Variants in OSBPL9 observed in about 807,000 individuals in gnomAD.
OSBPL9 encodes oxysterol binding protein like 9.
OSBPL9 carries 40 observed loss-of-function variants against 106.6 expected under a neutral mutation model. The ratio of observed to expected loss-of-function variants is 0.38; its 90% CI spans 0.29 to 0.49. OSBPL9 has a LOEUF of 0.49. Ranked by LOEUF, OSBPL9 falls within the 20% of genes least tolerant of loss-of-function variation. The pLI is 0.97. For synonymous variants in OSBPL9, 269 were observed against 295.4 expected, an observed-to-expected ratio of 0.91 and a Z score of 0.92; for missense variants, 609 against 887.2, an observed-to-expected ratio of 0.69 and a Z score of 3.98.
At chr1:51,774,161 C>G (rs961398783) in intron 14 of OSBPL9, among the ~76,000 whole-genome samples, 2 of 152,100 alleles carry the variant, frequency 1.3e-5, no homozygotes, top group African/African-American at 2.4e-5. Flanking sequence ...CAGCCCACAG[C>G]TGAACCTGAA....
At chr1:51,670,031 C>A (rs758705314) in intron 3 of OSBPL9, among the ~76,000 whole-genome samples, 7 of 152,198 alleles carry the variant, frequency 4.6e-5, no homozygotes, top group African/African-American at 1.2e-4. Flanking sequence ...TGCCAGCCAT[C>A]ATTTCTCTGC....
chr1:51,536,467 A>G, the OSBPL9 span, among the ~76,000 whole-genome samples: 3 of 152,022 alleles, frequency 2.0e-5, no homozygotes, highest in African/African-American at 7.2e-5. Context: ...ACGCACCACT[A>G]TGCCTGGCTA....
At chr1:51,567,787 C>T in the OSBPL9 span, 1 of 152,196 alleles carries the variant, frequency 6.6e-6, no homozygotes, top group Non-Finnish European at 1.5e-5. Flanking sequence ...TGGTATTTCT[C>T]TCAGTAATGA....
At chr1:51,651,142 G>A (rs1646493728) in intron 1 of OSBPL9, among the ~76,000 whole-genome samples, 1 of 152,170 alleles carries the variant, frequency 6.6e-6, no homozygotes, top group Non-Finnish European at 1.5e-5. Context: ...GAGCTAAGGT[G>A]CTTGGAATGA....
intron 1 of OSBPL9, 33 bp downstream of exon 1, chr1:51,617,254 T>G (rs1295866227): frequency 6.4e-7 from 1 of 1,567,138 alleles, no homozygotes; most frequent in African/African-American, 1.4e-5. Flanking sequence ...TCCAGGCGCC[T>G]CGGGGCCGCG....
At chr1:51,529,321 G>T in the OSBPL9 span, among the ~76,000 whole-genome samples, 5 of 151,792 alleles carry the variant, frequency 3.3e-5, no homozygotes, top group Non-Finnish European at 5.9e-5. Flanking sequence ...TTCACTGCAA[G>T]CTCTGCCTCC....
At chr1:51,569,072 C>T in the OSBPL9 span, among the ~76,000 whole-genome samples, 1 of 152,150 alleles carries the variant, frequency 6.6e-6, no homozygotes, top group Non-Finnish European at 1.5e-5. Context: ...CTATCCAAAA[C>T]ACACACGTGC....
In OSBPL9 at chr1:51,716,887, T is replaced by C. The variant is rs541120305; in HGVS notation, c.318+2808T>C. Among the ~76,000 whole-genome samples, 8 of 152,204 alleles carry C rather than the reference T, an allele frequency of 5.3e-5. No homozygotes were observed. The South Asian group carries it at 1.5e-3, about 28-fold the overall frequency. ...TTTTGCTTTTTTTAAAAAAAAATTC[T>C]CACAAAACTCCCCCCACCCACTTCA... is the stretch of plus-strand genomic sequence containing the variant. On this transcript the variant is annotated intron_variant, in intron 4 of 23. Coordinates refer to ENST00000428468, the MANE Select transcript of OSBPL9 (RefSeq NM_024586.6).
At chr1:51,736,366 A>T (rs1163577181) in intron 4 of OSBPL9, among the ~76,000 whole-genome samples, 1 of 152,178 alleles carries the variant, frequency 6.6e-6, no homozygotes, top group African/African-American at 2.4e-5. Context: ...AAATGTCAGA[A>T]CAATTGTTGA....
chr1:51,715,206 G>A (rs758932940), intron 4 of OSBPL9, among the ~76,000 whole-genome samples: 1 of 152,178 alleles, frequency 6.6e-6, no homozygotes, highest in African/African-American at 2.4e-5. Flanking sequence ...AAAGTATTCA[G>A]TAGAGGCTTA....
the OSBPL9 span, among the ~76,000 whole-genome samples, chr1:51,568,698 C>T: frequency 1.3e-5 from 2 of 152,244 alleles, no homozygotes; most frequent in East Asian, 3.9e-4. Flanking sequence ...TCCTGAGTAC[C>T]TGGAATTACA....
intron 2 of OSBPL9, among the ~76,000 whole-genome samples, chr1:51,662,254 T>C (rs1647232293): frequency 6.6e-6 from 1 of 152,078 alleles, no homozygotes; most frequent in Non-Finnish European, 1.5e-5. Flanking sequence ...GGGCTGTTGT[T>C]AAAGAGTATA....
the OSBPL9 span, among the ~76,000 whole-genome samples, chr1:51,542,919 G>T: frequency 6.6e-6 from 1 of 152,160 alleles, no homozygotes; most frequent in African/African-American, 2.4e-5. Flanking sequence ...ATTATTGTAG[G>T]TTTATGAACA....
upstream of OSBPL9, among the ~76,000 whole-genome samples, chr1:51,574,569 A>C (rs1363122196): frequency 6.6e-6 from 1 of 152,198 alleles, no homozygotes; most frequent in African/African-American, 2.4e-5. Flanking sequence ...CAGTGAGCCG[A>C]GAATGCACCA....
At chr1:51,557,353 G>A in the OSBPL9 span, among the ~76,000 whole-genome samples, 7 of 152,264 alleles carry the variant, frequency 4.6e-5, no homozygotes, top group African/African-American at 1.7e-4. Flanking sequence ...TTACCTTTGG[G>A]ATTTTTTTGA....
At chr1:51,592,001 C>T (rs1296829103) in intron 1 of OSBPL9, among the ~76,000 whole-genome samples, 1 of 151,348 alleles carries the variant, frequency 6.6e-6, no homozygotes, top group Non-Finnish European at 1.5e-5. Flanking sequence ...GCAGAATCAG[C>T]CCTTCTGCAC....
intron 5 of OSBPL9, among the ~76,000 whole-genome samples, chr1:51,746,052 C>T (rs1253440580): frequency 2.6e-5 from 4 of 152,126 alleles, no homozygotes; most frequent in Non-Finnish European, 5.9e-5. Context: ...ACCTCCGCCT[C>T]CCGGGTTCAA....
chr1:51,716,657 A>G (rs1357357547), intron 4 of OSBPL9, among the ~76,000 whole-genome samples: 1 of 152,216 alleles, frequency 6.6e-6, no homozygotes, highest in African/African-American at 2.4e-5. Flanking sequence ...GAAGGAATGA[A>G]TGAACAAATG....
intron 1 of OSBPL9, among the ~76,000 whole-genome samples, chr1:51,590,729 A>G (rs1053405585): frequency 9.2e-5 from 14 of 152,126 alleles, no homozygotes; most frequent in Non-Finnish European, 4.4e-5. Flanking sequence ...AGATGAGGGA[A>G]ATAAAAGAAT....
Sources: gnomAD v4.1 joint callset for allele counts (sites outside exome capture counted in the v4.1 genomes callset) on GRCh38, gnomAD v4.1.1 for gene constraint, MANE v1.5 for transcripts, NCBI Gene and HGNC (gene_info 2026-07-23, HGNC 2026-07-21) for gene names.